The following ARMC3 variants were observed in gnomAD, a reference collection of about 807,000 sequenced individuals.
The protein encoded by ARMC3 is armadillo repeat containing 3, also known as armadillo repeat-containing protein 3.
A neutral mutation model predicts 90.3 loss-of-function variants in ARMC3; 74 were observed. The ratio of observed to expected loss-of-function variants is 0.82; its 90% CI spans 0.68 to 0.99. The LOEUF (loss-of-function observed/expected upper bound fraction) is 0.99. ARMC3 is among the 50% of genes least tolerant of loss of function. The pLI is 0.00. For missense variants in ARMC3, 958 were observed against 1,042.8 expected (o/e 0.92, Z 1.12); for synonymous variants, 334 against 361.8 (o/e 0.92, Z 0.87).
At chr10:22,933,035 C>T (rs1265974403) in intron 2 of ARMC3, among the ~76,000 whole-genome samples, 1 of 152,228 alleles carries the variant, frequency 6.6e-6, no homozygotes, top group Non-Finnish European at 1.5e-5. Context: ...GATCTATTAT[C>T]ATGAGAATCC....
At chr10:23,013,092 T>C (rs1838096380) in intron 16 of ARMC3, among the ~76,000 whole-genome samples, 1 of 151,912 alleles carries the variant, frequency 6.6e-6, no homozygotes, top group Non-Finnish European at 1.5e-5. Context: ...AGAGACGGGG[T>C]TTTGCCATGC....
chr10:23,017,350 A>C (rs2131524737), intron 16 of ARMC3, among the ~76,000 whole-genome samples: 1 of 152,358 alleles, frequency 6.6e-6, no homozygotes, highest in East Asian at 1.9e-4. Flanking sequence ...AAGAAAATTC[A>C]TCTGGACCTC....
At chr10:22,999,687 G>C (rs1837189151) in intron 11 of ARMC3, among the ~76,000 whole-genome samples, 2 of 152,220 alleles carry the variant, frequency 1.3e-5, no homozygotes, top group African/African-American at 4.8e-5. Context: ...AGCAGACTTG[G>C]TAAGTGGCGA....
At chr10:22,984,833 G>A (rs1479066731) in intron 10 of ARMC3, among the ~76,000 whole-genome samples, 3 of 151,312 alleles carry the variant, frequency 2.0e-5, no homozygotes, top group Non-Finnish European at 2.9e-5. Flanking sequence ...AAAAATTTGC[G>A]ATAAATTTGA....
intron 8 of ARMC3, among the ~76,000 whole-genome samples, chr10:22,972,733 A>C (rs1835729455): frequency 6.6e-6 from 1 of 152,138 alleles, no homozygotes; most frequent in Non-Finnish European, 1.5e-5. Flanking sequence ...TTACCTCTTC[A>C]GGACTTCCTC....
In ARMC3 at chr10:23,002,002, A is replaced by C. The variant is rs147430432; in HGVS notation, c.1509A>C (p.Ala503=). ...NDEVRKHASW[A]VMVCAGDELT... ...AAGTGAGGAAGCACGCCAGTTGGGC[A>C]GTGATGGTCTGTGCTGGTGACGAGC... is the stretch of plus-strand genomic sequence containing the variant. The change falls in exon 12 of 19, where the codon GCA becomes GCC. Residue 503 remains alanine (A), a synonymous_variant. Transcript: ENST00000298032. The C allele has an allele frequency of 5.8e-4, 930 of 1,613,822 alleles. 1 individual carries two copies. The highest frequency in any genetic ancestry group is 7.3e-4 in the Non-Finnish European group (859 of 1,179,858).
intron 16 of ARMC3, among the ~76,000 whole-genome samples, chr10:23,029,936 T>G (rs1838856545): frequency 6.6e-6 from 1 of 152,126 alleles, no homozygotes. Flanking sequence ...CTGCAGAAGG[T>G]CTTAACTGAA....
chr10:23,017,076 T>TA (rs1211933541), intron 16 of ARMC3, among the ~76,000 whole-genome samples: 5 of 57,286 alleles, frequency 8.7e-5, no homozygotes, highest in Non-Finnish European at 2.3e-4. Flanking sequence ...TCCAATTTAT[T>TA]ATTTTTTTTT....
chr10:22,982,119 G>A (rs1200405285), intron 10 of ARMC3, among the ~76,000 whole-genome samples: 3 of 152,246 alleles, frequency 2.0e-5, no homozygotes, highest in Non-Finnish European at 4.4e-5. Flanking sequence ...GCTCCCACCT[G>A]TAATCTCAGC....
At position 23,033,188 on chromosome 10, in the gene ARMC3, C is replaced by CAT. The variant is rs61079962; in HGVS notation, c.2409+176_2409+177dup. The stretch of plus-strand genomic sequence containing the variant: ...ATATATACTTATATACAAGCATACA[C>CAT]ATATATATATATGAATATAAACATG... On this transcript the variant is annotated intron_variant, in intron 18 of 18. Coordinates refer to ENST00000298032, the MANE Select transcript of ARMC3 (RefSeq NM_173081.5). Among the ~76,000 whole-genome samples the CAT allele has an allele frequency of 8.0e-4, 121 of 151,670 alleles. 1 individual carries two copies. The highest frequency in any genetic ancestry group is 7.7e-3 in the East Asian group (40 of 5,170).
chr10:23,002,930 T>C (rs1837378768), intron 12 of ARMC3, among the ~76,000 whole-genome samples: 1 of 152,230 alleles, frequency 6.6e-6, no homozygotes, highest in African/African-American at 2.4e-5. Flanking sequence ...ACATTTGGCT[T>C]CTTTGCATAT....
chr10:22,975,391 C>T (rs1426406705), intron 8 of ARMC3, among the ~76,000 whole-genome samples: 5 of 152,070 alleles, frequency 3.3e-5, no homozygotes, highest in Non-Finnish European at 7.4e-5. Flanking sequence ...CGTGAAACCC[C>T]ATCTCTACTA....
intron 10 of ARMC3, among the ~76,000 whole-genome samples, chr10:22,984,790 A>T (rs902085441): frequency 2.6e-5 from 4 of 152,168 alleles, no homozygotes; most frequent in African/African-American, 9.7e-5. Context: ...GTGGATTTTT[A>T]AAAATTTACT....
chr10:23,003,785 G>T (rs1390553401), intron 13 of ARMC3, among the ~76,000 whole-genome samples: 1 of 151,838 alleles, frequency 6.6e-6, no homozygotes, highest in Non-Finnish European at 1.5e-5. Flanking sequence ...GTGCACTATG[G>T]TTGTGCCTGT....
At chr10:23,007,382 G>C (rs934291841) in intron 14 of ARMC3, among the ~76,000 whole-genome samples, 2 of 152,110 alleles carry the variant, frequency 1.3e-5, no homozygotes, top group African/African-American at 4.8e-5. Flanking sequence ...GTAAATGATA[G>C]AGCTAAAAAT....
At chr10:22,945,412 G>C (rs1159557975) in intron 2 of ARMC3, among the ~76,000 whole-genome samples, 1 of 152,122 alleles carries the variant, frequency 6.6e-6, no homozygotes, top group African/African-American at 2.4e-5. Context: ...GCCTCTATGT[G>C]CTATGAACAA....
intron 3 of ARMC3, among the ~76,000 whole-genome samples, chr10:22,954,147 A>T (rs1834837415): frequency 2.0e-5 from 3 of 152,130 alleles, no homozygotes; most frequent in Non-Finnish European, 4.4e-5. Flanking sequence ...CTTTATTGTC[A>T]TTGTATATCC....
At chr10:22,957,079 A>G (rs1168911600) in intron 4 of ARMC3, among the ~76,000 whole-genome samples, 1 of 152,168 alleles carries the variant, frequency 6.6e-6, no homozygotes, top group Non-Finnish European at 1.5e-5. Flanking sequence ...TGCTCTGACT[A>G]AACACATGCC....
At chr10:23,005,223 A>G (rs1380482740) in intron 13 of ARMC3, among the ~76,000 whole-genome samples, 2 of 150,554 alleles carry the variant, frequency 1.3e-5, no homozygotes, top group Non-Finnish European at 2.9e-5. Flanking sequence ...AAAAAAAAAA[A>G]AAAAAAAAAA....
Sources: gnomAD v4.1 joint callset for allele counts (sites outside exome capture counted in the v4.1 genomes callset) on GRCh38, gnomAD v4.1.1 for gene constraint, MANE v1.5 for transcripts, NCBI Gene and HGNC (gene_info 2026-07-23, HGNC 2026-07-21) for gene names.